DHCR24: variants seen among roughly 807,000 people sequenced by gnomAD.
DHCR24 encodes 24-dehydrocholesterol reductase.
Under a neutral mutation model 61.2 loss-of-function variants are expected in DHCR24, and 28 were observed. The ratio of observed to expected loss-of-function variants is 0.46; its 90% CI spans 0.34 to 0.63. The LOEUF is 0.63. DHCR24 is among the 20% of genes least tolerant of loss of function. The probability of loss-of-function intolerance (pLI) is 0.01; values close to 1 mark genes in which losing one functional copy is unlikely to be tolerated. For synonymous variants in DHCR24, 261 were observed against 275.9 expected, an observed-to-expected ratio of 0.95 and a Z score of 0.54; for missense variants, 538 against 679.1, an observed-to-expected ratio of 0.79 and a Z score of 2.31.
intron 5 of DHCR24, 73 bp downstream of exon 5, chr1:54,871,277 C>T (rs608458): frequency 5.0e-5 from 80 of 1,591,386 alleles, no homozygotes; most frequent in East Asian, 1.6e-4. Context: ...GGTCAGGATA[C>T]GGGAACCGGC....
intron 2 of DHCR24, among the ~76,000 whole-genome samples, chr1:54,878,445 C>T (rs369278815): frequency 1.6e-5 from 2 of 127,248 alleles, no homozygotes; most frequent in African/African-American, 5.9e-5. Flanking sequence ...ATCCGGGAGG[C>T]GGAGGTTGCA....
chr1:54,872,125 C>A (rs1262412576), intron 4 of DHCR24, among the ~76,000 whole-genome samples: 1 of 152,056 alleles, frequency 6.6e-6, no homozygotes, highest in Non-Finnish European at 1.5e-5. Flanking sequence ...GCGCTAGCAC[C>A]CCCTTATGAC....
chr1:54,856,462 G>A (rs551744326), intron 6 of DHCR24, among the ~76,000 whole-genome samples: 19 of 152,230 alleles, frequency 1.2e-4, no homozygotes, highest in East Asian at 7.7e-4. Flanking sequence ...TTAGCCGGGC[G>A]TGGTGGCGGG....
chr1:54,882,576 G>C (rs947166518), intron 2 of DHCR24, among the ~76,000 whole-genome samples: 8 of 152,170 alleles, frequency 5.3e-5, no homozygotes, highest in African/African-American at 1.9e-4. Context: ...CCCCAAACTG[G>C]AGCCAGCCAA....
At chr1:54,880,515 A>G (rs11206459) in intron 2 of DHCR24, among the ~76,000 whole-genome samples, 36,159 of 152,210 alleles carry the variant, frequency 0.24, 4,598 homozygotes, top group East Asian at 0.39. Context: ...CTGTAATCCC[A>G]GCACTTTGGG....
At chr1:54,886,599 T>C (rs1647097980) in intron 1 of DHCR24, 1 of 1,439,254 alleles carries the variant, frequency 6.9e-7, no homozygotes, top group Non-Finnish European at 9.2e-7. Flanking sequence ...CTGAAATGCT[T>C]GGGCCGGGTG....
chr1:54,860,255 C>T lies in DHCR24; in HGVS notation c.1020+5048G>A, dbSNP rs567281431. ...TTGTTACTGTGATCTTAGCCTACTA[C>T]AGCAATGCAGCATCTCTTAATCTGA... is the stretch of plus-strand genomic sequence containing the variant. On this transcript the variant is annotated intron_variant, in intron 6 of 8. Coordinates refer to ENST00000371269, the MANE Select transcript of DHCR24 (RefSeq NM_014762.4). Among the ~76,000 whole-genome samples, 3 of 152,332 alleles carry T rather than the reference C, an allele frequency of 2.0e-5. No individual in the cohort carries two copies. In the East Asian group the frequency reaches 5.8e-4, roughly 29 times the overall value.
chr1:54,873,700 A>C (rs1468164203), intron 4 of DHCR24, among the ~76,000 whole-genome samples: 1 of 152,222 alleles, frequency 6.6e-6, no homozygotes, highest in Non-Finnish European at 1.5e-5. Context: ...CCCAGGCTAG[A>C]GTGCAGTGGC....
At chr1:54,853,895 C>T (rs1231811837) in intron 7 of DHCR24, 142 bp downstream of exon 7, 3 of 912,594 alleles carry the variant, frequency 3.3e-6, no homozygotes, top group Admixed American at 2.0e-5. Flanking sequence ...CCTCAGCAGA[C>T]ATAGGGACAA....
intron 2 of DHCR24, among the ~76,000 whole-genome samples, chr1:54,882,568 C>A (rs1445438064): frequency 6.6e-6 from 1 of 152,148 alleles, no homozygotes; most frequent in African/African-American, 2.4e-5. Context: ...TGTAATTGCC[C>A]CAAACTGGAG....
chr1:54,882,133 G>GA (rs35319903), intron 2 of DHCR24, among the ~76,000 whole-genome samples: 1 of 5,278 alleles, frequency 1.9e-4, no homozygotes, highest in African/African-American at 4.4e-4. Context: ...AAGTTTAAAA[G>GA]AAAAAAAAAA....
In DHCR24 at chr1:54,871,428, G is replaced by A. The variant is rs142421002; in HGVS notation, c.798C>T (p.Phe266=). 15 of 1,614,056 alleles carry A rather than the reference G, an allele frequency of 9.3e-6. No homozygotes were observed. In the East Asian group the frequency reaches 1.3e-4, roughly 14 times the overall value. The change falls in exon 5 of 9, where the codon TTC becomes TTT. Residue 266 remains phenylalanine, a synonymous_variant. Coordinates refer to ENST00000371269, the MANE Select transcript of DHCR24 (RefSeq NM_014762.4). The stretch of plus-strand genomic sequence containing the variant: ...CCAGGGAGTAGAGCAGCCCTTCCAC[G>A]AAGTGGTTCTCCTGCCGCTGGGACT... The part of the protein sequence containing the change: ...THESQRQENH[F]VEGLLYSLDE...
At chr1:54,882,266 A>T (rs1449244754) in intron 2 of DHCR24, among the ~76,000 whole-genome samples, 1 of 152,232 alleles carries the variant, frequency 6.6e-6, no homozygotes, top group African/African-American at 2.4e-5. Context: ...ATCATTAGTC[A>T]CTAGGGAAAT....
chr1:54,875,912 T>A, intron 3 of DHCR24, 30 bp downstream of exon 3: 2 of 1,588,608 alleles, frequency 1.3e-6, no homozygotes, highest in South Asian at 1.1e-5. Context: ...ACCGTGTGTC[T>A]CTTCTTGCCC....
chr1:54,853,935 C>T (rs1646892316), intron 7 of DHCR24, 102 bp downstream of exon 7: 8 of 1,221,914 alleles, frequency 6.5e-6, no homozygotes, highest in Non-Finnish European at 8.1e-6. Flanking sequence ...GGAAAACACC[C>T]AGAGGGCAGT....
chr1:54,873,900 T>C (rs1647012847), intron 4 of DHCR24, among the ~76,000 whole-genome samples: 1 of 152,236 alleles, frequency 6.6e-6, no homozygotes, highest in South Asian at 2.1e-4. Flanking sequence ...TCCACCTGCC[T>C]TGGCCTCCCA....
chr1:54,883,605 G>T lies in DHCR24; in HGVS notation c.387+13C>A. ...CCACCTGCTCCCAGAGCCCGGAAAA[G>T]TGCTACTCTCACCTGTTTCTTGGTG... On this transcript the variant is annotated intron_variant, in intron 2 of 8. Transcript: ENST00000371269. This position sits in a 1 kb window ranked among gnomAD's most constrained non-coding sequence, Gnocchi z 4.3. 6.2e-7 allele frequency: 1 copy of T among 1,614,184 alleles called. No homozygotes were observed. The highest frequency in any genetic ancestry group is 8.5e-7 in the Non-Finnish European group (1 of 1,180,032).
In DHCR24 at chr1:54,875,975, GGA is replaced by G; in HGVS notation, c.458_459del (p.Leu153ProfsTer5). 1 of 1,613,946 alleles carries G rather than the reference GGA, an allele frequency of 6.2e-7. No homozygotes were observed. Among genetic ancestry groups the G allele is most frequent in the Non-Finnish European group, 8.5e-7 (1 of 1,179,864 alleles). On this transcript the variant is annotated frameshift_variant, in exon 3 of 9. Coordinates refer to ENST00000371269, the MANE Select transcript of DHCR24 (RefSeq NM_014762.4). LOFTEE classifies it high-confidence loss of function. ...AGGTCATCAAGCTCAGGCAACACGGGGAGAGTCCAGCCAATGGAGGTCAGCAG... is the reference window on the plus strand; with the variant it reads ...AGGTCATCAAGCTCAGGCAACACGGGGAGTCCAGCCAATGGAGGTCAGCAG... ...TALLTSIGWT[L>X]PVLPELDDLT...
At position 54,887,149 on chromosome 1, in the gene DHCR24, G is replaced by A. The variant is rs770540090; in HGVS notation, c.-30C>T. ...CGGCGCCGCGCGGTAAGCGCTGCGG[G>A]TTCGCGCCTCCTGTCACTGCCGCCA... is the stretch of plus-strand genomic sequence containing the variant. On this transcript the variant is annotated 5_prime_UTR_variant, in exon 1 of 9. Coordinates refer to ENST00000371269, the MANE Select transcript of DHCR24 (RefSeq NM_014762.4). The A allele has an allele frequency of 2.6e-6, 4 of 1,530,854 alleles. No homozygotes were observed. Among genetic ancestry groups the A allele is most frequent in the East Asian group, 2.4e-5 (1 of 40,818 alleles). The allele number at this position is 1,530,854 out of a possible 1,614,324, so 94.8% of individuals were successfully genotyped here. A position where few individuals can be genotyped will look rare whatever the true frequency, so the allele number is the denominator to read the frequency against.
Sources: allele counts gnomAD v4.1 joint callset (sites outside exome capture counted in the v4.1 genomes callset), GRCh38; gene constraint gnomAD v4.1.1; non-coding constraint Gnocchi (gnomAD v3.1); transcripts MANE v1.5; gene names NCBI Gene and HGNC (gene_info 2026-07-23, HGNC 2026-07-21).